The following BICC1 variants were observed in gnomAD, a reference collection of about 807,000 sequenced individuals.
BICC1 encodes the protein BicC family RNA binding protein 1, also known as protein bicaudal C homolog 1.
A neutral mutation model predicts 111.0 loss-of-function variants in BICC1; 43 were observed. That is an observed-to-expected ratio of 0.39 (90% CI 0.30 to 0.50). The LOEUF (loss-of-function observed/expected upper bound fraction) is 0.50. Among genes scored for constraint, BICC1 ranks in the 20% least tolerant of loss-of-function variants. The pLI is 0.88. For missense variants in BICC1, 1,091 were observed against 1,203.2 expected (o/e 0.91, Z 1.38); for synonymous variants, 467 against 434.4 (o/e 1.07, Z -0.93).
intron 3 of BICC1, among the ~76,000 whole-genome samples, chr10:58,776,085 C>T (rs906639184): frequency 1.3e-5 from 2 of 152,150 alleles, no homozygotes; most frequent in African/African-American, 4.8e-5. Flanking sequence ...CCTGCATGTA[C>T]CTGTAATTGT....
chr10:58,808,062 A>C (rs1206021416), intron 17 of BICC1, among the ~76,000 whole-genome samples: 1 of 148,452 alleles, frequency 6.7e-6, no homozygotes, highest in Admixed American at 6.6e-5. Flanking sequence ...GAAACACAAA[A>C]GCAAACATGC....
At chr10:58,647,200 T>G (rs1838296130) in intron 2 of BICC1, among the ~76,000 whole-genome samples, 1 of 152,204 alleles carries the variant, frequency 6.6e-6, no homozygotes, top group African/African-American at 2.4e-5. Context: ...CAAAATCCTT[T>G]TTAGTTATAG....
chr10:58,823,752 A>C (rs1019651977), intron 20 of BICC1: 3 of 985,228 alleles, frequency 3.0e-6, no homozygotes, highest in Non-Finnish European at 3.6e-6. Context: ...ATGGAGGCCG[A>C]AGATAGTCCC....
chr10:58,636,013 T>C (rs1257303153), intron 2 of BICC1, among the ~76,000 whole-genome samples: 2 of 152,216 alleles, frequency 1.3e-5, no homozygotes, highest in Non-Finnish European at 2.9e-5. Flanking sequence ...TTTTGTTCTC[T>C]TGTTATGAGT....
chr10:58,686,078 A>C (rs1839714618), intron 2 of BICC1, among the ~76,000 whole-genome samples: 2 of 152,130 alleles, frequency 1.3e-5, no homozygotes, highest in African/African-American at 4.8e-5. Context: ...AAAATCTCTC[A>C]GCATTTGTTT....
intron 17 of BICC1, among the ~76,000 whole-genome samples, chr10:58,809,119 T>C (rs1589160936): frequency 6.6e-6 from 1 of 152,056 alleles, no homozygotes; most frequent in South Asian, 2.1e-4. Context: ...GCCTCCCAGG[T>C]TCAAGCATTT....
intron 3 of BICC1, among the ~76,000 whole-genome samples, chr10:58,716,788 G>T (rs898273558): frequency 7.4e-5 from 11 of 148,546 alleles, no homozygotes; most frequent in African/African-American, 2.9e-4. Context: ...GGTTGGGGGG[G>T]TGGTTTGCTA....
chr10:58,774,574 ACT>A (rs936611436), intron 3 of BICC1, among the ~76,000 whole-genome samples: 40 of 152,200 alleles, frequency 2.6e-4, no homozygotes, highest in African/African-American at 9.4e-4. Flanking sequence ...ATTACCTGTG[ACT>A]CTGTTGCTTA....
At chr10:58,538,870 G>A (rs541209617) in intron 1 of BICC1, among the ~76,000 whole-genome samples, 29 of 151,548 alleles carry the variant, frequency 1.9e-4, no homozygotes, top group African/African-American at 6.8e-4. Context: ...AAGTTAAAAC[G>A]CAACAAGATA....
chr10:58,663,066 C>CTTTTTTTTTTTTTTTT (rs142149688), intron 2 of BICC1, among the ~76,000 whole-genome samples: 1 of 81,732 alleles, frequency 1.2e-5, no homozygotes. Context: ...TTTTCTTTTT[C>CTTTTTTTTTTTTTTTT]TTTTTTTTTT....
Position 58,813,916 on chromosome 10 carries a change from A to T in BICC1, c.2463A>T (p.Gly821=). Residue 821 remains glycine, a synonymous_variant, in exon 18 of 21, where the codon GGA becomes GGT. Coordinates refer to ENST00000373886, the MANE Select transcript of BICC1 (RefSeq NM_001080512.3). ...SESDNWRDRN[G]IGPGSHSEFA... Reference sequence around the variant, plus strand: ...CTGATAACTGGAGAGACCGAAATGGAATTGGACCTGGAAGTCATAGTGAAT... The same window carrying T: ...CTGATAACTGGAGAGACCGAAATGGTATTGGACCTGGAAGTCATAGTGAAT... The T allele has an allele frequency of 6.2e-7, 1 of 1,614,070 alleles. No individual in the cohort carries two copies. The highest frequency in any genetic ancestry group is 1.1e-5 in the South Asian group (1 of 91,082).
chr10:58,654,114 C>G (rs1430278394), intron 2 of BICC1, among the ~76,000 whole-genome samples: 4 of 130,334 alleles, frequency 3.1e-5, no homozygotes, highest in Non-Finnish European at 4.8e-5. Flanking sequence ...CAAGTCTTTG[C>G]TATTGTGAAT....
At chr10:58,811,762 G>GATTGGGTAGTC (rs1843913297) in intron 17 of BICC1, among the ~76,000 whole-genome samples, 2 of 152,196 alleles carry the variant, frequency 1.3e-5, no homozygotes, top group African/African-American at 4.8e-5. Context: ...AACCACTTTA[G>GATTGGGTAGTC]ATTGGGTAGT....
intron 15 of BICC1, among the ~76,000 whole-genome samples, chr10:58,803,521 TA>T (rs559380790): frequency 6.6e-6 from 1 of 152,166 alleles, no homozygotes; most frequent in Non-Finnish European, 1.5e-5. Flanking sequence ...ATGTGTTACT[TA>T]AAAAATTTTC....
intron 3 of BICC1, among the ~76,000 whole-genome samples, chr10:58,769,666 C>T (rs1842569713): frequency 6.6e-6 from 1 of 151,826 alleles, no homozygotes. Context: ...TTTACATAAA[C>T]AGTTCTAAAC....
intron 2 of BICC1, among the ~76,000 whole-genome samples, chr10:58,676,758 C>T (rs1276784991): frequency 2.0e-5 from 3 of 152,222 alleles, no homozygotes; most frequent in Non-Finnish European, 4.4e-5. Context: ...GACTGGGAGA[C>T]ACCTCCCTAC....
intron 20 of BICC1, among the ~76,000 whole-genome samples, chr10:58,824,862 C>T (rs2132988536): frequency 6.6e-6 from 1 of 152,224 alleles, no homozygotes; most frequent in Middle Eastern, 3.4e-3. Context: ...ATTCTGTGTA[C>T]TTGCATGAGT....
At chr10:58,582,111 C>A (rs1844299223) in intron 1 of BICC1, among the ~76,000 whole-genome samples, 1 of 152,144 alleles carries the variant, frequency 6.6e-6, no homozygotes, top group African/African-American at 2.4e-5. Context: ...TCATCCTTTC[C>A]AATATCCAGC....
intron 17 of BICC1, among the ~76,000 whole-genome samples, chr10:58,811,138 T>C (rs1350784238): frequency 6.6e-6 from 1 of 152,206 alleles, no homozygotes; most frequent in African/African-American, 2.4e-5. Flanking sequence ...AGATTCTAAA[T>C]TATGACCCTG....
Sources: allele counts gnomAD v4.1 joint callset (sites outside exome capture counted in the v4.1 genomes callset), GRCh38; gene constraint gnomAD v4.1.1; transcripts MANE v1.5; gene names NCBI Gene and HGNC (gene_info 2026-07-23, HGNC 2026-07-21).